The following CACNA1A variants were observed in gnomAD, a reference collection of about 807,000 sequenced individuals.
The protein encoded by CACNA1A is voltage-dependent P/Q-type calcium channel subunit alpha-1A.
In CACNA1A, 57 loss-of-function variants were observed where a neutral mutation model predicts 262.4. The ratio of observed to expected loss-of-function variants is 0.22; its 90% confidence interval spans 0.18 to 0.27. The LOEUF is 0.27. Among genes scored for constraint, CACNA1A ranks in the 10% least tolerant of loss-of-function variants. The pLI is 1.00. For missense variants in CACNA1A, 2,526 were observed against 3,562.8 expected (o/e 0.71, Z 7.41); for synonymous variants, 1,431 against 1,419.3 (o/e 1.01, Z -0.18).
chr19:13,446,250 G>GAAAAAA (rs59977753), intron 3 of CACNA1A, among the ~76,000 whole-genome samples: 1 of 90,236 alleles, frequency 1.1e-5, no homozygotes, highest in African/African-American at 3.6e-5. Flanking sequence ...ACTCTGTCCC[G>GAAAAAA]AAAAAAAAAA....
At chr19:13,400,243 C>T (rs1231726988) in intron 3 of CACNA1A, among the ~76,000 whole-genome samples, 1 of 152,120 alleles carries the variant, frequency 6.6e-6, no homozygotes, top group East Asian at 1.9e-4. Flanking sequence ...CATGCAATTT[C>T]CCCTCCCAAA....
intron 12 of CACNA1A, among the ~76,000 whole-genome samples, chr19:13,311,958 G>C (rs1186726753): frequency 1.3e-5 from 2 of 152,200 alleles, no homozygotes; most frequent in African/African-American, 4.8e-5. Flanking sequence ...CCACTTATTT[G>C]CGAACAACCT....
intron 19 of CACNA1A, among the ~76,000 whole-genome samples, chr19:13,290,303 T>C (rs532740325): frequency 1.3e-5 from 2 of 152,198 alleles, no homozygotes; most frequent in African/African-American, 2.4e-5. Flanking sequence ...AATCCCTAAT[T>C]CTAACCTGCT....
Position 13,207,745 on chromosome 19 carries a change from G to A in CACNA1A, c.7089C>T (p.Arg2363=), listed in dbSNP as rs16055. The part of the protein sequence containing the change: ...RPPTGGHSSG[R]SPRMERRVPG... ...GGACCCGCCTCTCCATCCTGGGCGA[G>A]CGGCCGCTGCTGTGGCCCCCCGTGG... Residue 2363 remains arginine, a synonymous_variant, in exon 47 of 47, where the codon CGC becomes CGT. Coordinates refer to ENST00000360228, the MANE Select transcript of CACNA1A (RefSeq NM_001127222.2). The surrounding 1 kb of genome is among the most constrained non-coding windows in gnomAD (Gnocchi z 5.7). 2.9e-6 allele frequency: 4 copies of A among 1,370,620 alleles called. No individual in the cohort carries two copies. Among genetic ancestry groups the A allele is most frequent in the African/African-American group, 3.0e-5 (2 of 65,612 alleles). The allele number at this position is 1,370,620 out of a possible 1,614,324, so 84.9% of individuals were successfully genotyped here.
intron 22 of CACNA1A, among the ~76,000 whole-genome samples, chr19:13,279,766 C>A (rs1017721765): frequency 6.8e-6 from 1 of 147,510 alleles, no homozygotes; most frequent in Non-Finnish European, 1.5e-5. Flanking sequence ...ATTACAGGTG[C>A]GAGCCCGGCC....
At chr19:13,391,853 A>G (rs573414957) in intron 3 of CACNA1A, among the ~76,000 whole-genome samples, 1 of 151,974 alleles carries the variant, frequency 6.6e-6, no homozygotes, top group South Asian at 2.1e-4. Flanking sequence ...CCTGGGCAAC[A>G]TGGTGAAACC....
chr19:13,357,224 T>G (rs77469390), intron 6 of CACNA1A, among the ~76,000 whole-genome samples: 8,476 of 152,166 alleles, frequency 0.056, 794 homozygotes, highest in African/African-American at 0.19. Context: ...GTTGCAATTT[T>G]TGTGTGTGTG....
rs2144482795 is a variant in CACNA1A, at chr19:13,206,600, A to G, written c.*713T>C. The G allele has an allele frequency of 6.5e-6, 1 of 154,298 alleles. No homozygotes were observed. Among genetic ancestry groups the G allele is most frequent in the East Asian group, 1.9e-4 (1 of 5,186 alleles). The allele number at this position is 154,298 out of a possible 1,614,324, so 9.6% of individuals were successfully genotyped here. ...TTTTTCTTCTTCTTTTGTTGTTTCA[A>G]GCAGGACCAAATGTCAGAAAAAAAT... On this transcript the variant is annotated 3_prime_UTR_variant, in exon 47 of 47. Coordinates refer to ENST00000360228, the MANE Select transcript of CACNA1A (RefSeq NM_001127222.2).
At chr19:13,246,179 G>A (rs1400512608) in intron 30 of CACNA1A, among the ~76,000 whole-genome samples, 1 of 152,212 alleles carries the variant, frequency 6.6e-6, no homozygotes, top group Non-Finnish European at 1.5e-5. Context: ...TGGGCAAGTG[G>A]CTTAACCTCT....
intron 20 of CACNA1A, 69 bp from the exon 21 acceptor site, chr19:13,285,275 A>G: frequency 1.3e-6 from 2 of 1,574,922 alleles, no homozygotes; most frequent in Non-Finnish European, 8.7e-7. Flanking sequence ...ACTCCTGTGT[A>G]CTCCCAGGGC....
chr19:13,363,871 C>T (rs2059157248), intron 5 of CACNA1A: 1 of 152,280 alleles, frequency 6.6e-6, no homozygotes, highest in Non-Finnish European at 1.5e-5. Flanking sequence ...GGTCCAAATA[C>T]TGAAATACTG....
intron 2 of CACNA1A, 96 bp downstream of exon 2, chr19:13,455,011 A>G: frequency 2.9e-6 from 2 of 682,692 alleles, no homozygotes; most frequent in Admixed American, 4.5e-5. Flanking sequence ...TCTGGGCTCC[A>G]GGACTGAGAG....
chr19:13,234,767 A>G lies in CACNA1A; in HGVS notation c.5249+154T>C, dbSNP rs1056832899. 7 of 594,558 alleles carry G rather than the reference A, an allele frequency of 1.2e-5. No individual in the cohort carries two copies. The African/African-American group carries it at 1.4e-4, about 12-fold the overall frequency. 36.8% of individuals were successfully genotyped at this position (594,558 alleles called of 1,614,324 possible). On this transcript the variant is annotated intron_variant, in intron 34 of 46. Transcript: ENST00000360228. ...AAGAGAAGGGCACGCCCCCTACCGG[A>G]AAAGAAGGGTGAGGGCGCGCCCCTG...
At chr19:13,250,290 C>A (rs1415771079) in intron 30 of CACNA1A, among the ~76,000 whole-genome samples, 1 of 151,964 alleles carries the variant, frequency 6.6e-6, no homozygotes, top group Non-Finnish European at 1.5e-5. Flanking sequence ...GAACTCCTGA[C>A]CTCAAGGGAT....
intron 1 of CACNA1A, among the ~76,000 whole-genome samples, chr19:13,499,931 T>C (rs1043352799): frequency 7.3e-5 from 11 of 151,600 alleles, no homozygotes; most frequent in African/African-American, 2.7e-4. Context: ...GCTGAGAAAG[T>C]GTATATGTGT....
intron 1 of CACNA1A, among the ~76,000 whole-genome samples, chr19:13,466,084 A>G (rs561389830): frequency 1.3e-5 from 2 of 152,296 alleles, no homozygotes; most frequent in African/African-American, 4.8e-5. Context: ...CTGGAGCTAG[A>G]CAGAGGTGGT....
At chr19:13,352,730 C>G (rs1193539951) in intron 6 of CACNA1A, among the ~76,000 whole-genome samples, 1 of 152,180 alleles carries the variant, frequency 6.6e-6, no homozygotes, top group Non-Finnish European at 1.5e-5. Flanking sequence ...ACATCACCTC[C>G]TCTTAGGAAC....
chr19:13,214,658 G>A lies in CACNA1A; in HGVS notation c.5732-50C>T, dbSNP rs769084623. 7.0e-7 allele frequency: 1 copy of A among 1,428,840 alleles called. No individual in the cohort carries two copies. Among genetic ancestry groups the A allele is most frequent in the African/African-American group, 1.4e-5 (1 of 71,162 alleles). The allele number at this position is 1,428,840 out of a possible 1,614,324, so 88.5% of individuals were successfully genotyped here. ...CTGACTGCCTGCCTGGGTGTCAGCT[G>A]GACTCTGGGTCAGCTGCAAAGCCAT... On this transcript the variant is annotated intron_variant, in intron 38 of 46. Coordinates refer to ENST00000360228, the MANE Select transcript of CACNA1A (RefSeq NM_001127222.2). The surrounding 1 kb of genome is among the most constrained non-coding windows in gnomAD (Gnocchi z 4.1).
chr19:13,426,477 G>C (rs887758613), intron 3 of CACNA1A, among the ~76,000 whole-genome samples: 3 of 152,096 alleles, frequency 2.0e-5, no homozygotes, highest in African/African-American at 7.2e-5. Context: ...TCTTAGCACA[G>C]GGTGGTAGCT....
Sources: gnomAD v4.1 joint callset for allele counts (sites outside exome capture counted in the v4.1 genomes callset) on GRCh38, gnomAD v4.1.1 for gene constraint, Gnocchi (gnomAD v3.1) non-coding constraint, MANE v1.5 for transcripts, NCBI Gene and HGNC (gene_info 2026-07-23, HGNC 2026-07-21) for gene names.